Variants in MYOM2 observed in about 807,000 individuals in gnomAD.
MYOM2 encodes myomesin 2, also known as myomesin-2.
Under a neutral mutation model 187.6 loss-of-function variants are expected in MYOM2, and 254 were observed. That is an observed-to-expected ratio of 1.35 (90% CI 1.22 to 1.50). The LOEUF (loss-of-function observed/expected upper bound fraction) is 1.50, where lower values mean the gene tolerates loss of function less well. Ranked by LOEUF, MYOM2 falls within the 40% of genes most tolerant of loss-of-function variation. The pLI is 0.00. For missense variants in MYOM2, 2,796 were observed against 1,924.0 expected, an observed-to-expected ratio of 1.45 and a Z score of -8.48; for synonymous variants, 981 against 753.8, an observed-to-expected ratio of 1.30 and a Z score of -4.94.
In MYOM2 at chr8:2,144,833, G is replaced by C; in HGVS notation, c.4250G>C (p.Ser1417Thr). Residue 1417 changes from serine (S) to threonine (T), a missense_variant, in exon 37 of 37, where the codon AGC (serine) becomes ACC (threonine). By Grantham distance (58) the Ser-to-Thr change is moderately conservative (BLOSUM62 1). Coordinates refer to ENST00000262113, the MANE Select transcript of MYOM2 (RefSeq NM_003970.4). The stretch of plus-strand genomic sequence containing the variant: ...ACCTCCGAGGACTCGGGCAAGTACA[G>C]CATCAACATCAAGAATAAGTATGGC... ...GVTSEDSGKY[S>T]INIKNKYGGE... The C allele has an allele frequency of 6.2e-7, 1 of 1,614,192 alleles. No individual in the cohort carries two copies. The highest frequency in any genetic ancestry group is 8.5e-7 in the Non-Finnish European group (1 of 1,180,034).
intron 6 of MYOM2, among the ~76,000 whole-genome samples, chr8:2,065,936 TC>T (rs1819004854): frequency 1.3e-5 from 2 of 152,162 alleles, no homozygotes; most frequent in South Asian, 4.1e-4. Context: ...CGGGGGAGAT[TC>T]CAGTTGAGAG....
In MYOM2 at chr8:2,109,413, A is replaced by T; in HGVS notation, c.3062A>T (p.Glu1021Val). The change falls in exon 25 of 37, where the codon GAA becomes GTA. Residue 1021 changes from glutamate to valine, a missense_variant. Physicochemically the swap from Glu to Val is moderately radical, Grantham distance 121. Transcript: ENST00000262113. Reference sequence around the variant, plus strand: ...CCTGTAGCAATTCCTCTGAAATCGGAATTAGCTTATGAGATTTTTGATAAG... The same window carrying T: ...CCTGTAGCAATTCCTCTGAAATCGGTATTAGCTTATGAGATTTTTGATAAG... ...IKNPTIPLKS[E>V]LAYEIFDKGR... 6.2e-7 allele frequency: 1 copy of T among 1,609,414 alleles called. No homozygotes were observed.
chr8:2,045,411 G>A (rs532220299), intron 1 of MYOM2, among the ~76,000 whole-genome samples: 1 of 152,200 alleles, frequency 6.6e-6, no homozygotes, highest in Middle Eastern at 3.2e-3. Context: ...TTTGCTAAGT[G>A]CCGTTTAGCA....
chr8:2,112,644 A>C (rs1585927112), intron 25 of MYOM2, among the ~76,000 whole-genome samples: 1 of 152,282 alleles, frequency 6.6e-6, no homozygotes, highest in East Asian at 1.9e-4. Context: ...GAACACAGAG[A>C]GAGAAACTGA....
chr8:2,126,762 G>A (rs890534311), intron 31 of MYOM2, among the ~76,000 whole-genome samples: 39 of 143,624 alleles, frequency 2.7e-4, no homozygotes, highest in African/African-American at 9.7e-4. Context: ...GGGAGGATGG[G>A]GGAGTACTAG....
chr8:2,121,016 A>C (rs1563069675), intron 28 of MYOM2, among the ~76,000 whole-genome samples: 1 of 152,072 alleles, frequency 6.6e-6, no homozygotes, highest in Non-Finnish European at 1.5e-5. Flanking sequence ...CTGCAAGGGA[A>C]GTGGTCTTTA....
At position 2,106,291 on chromosome 8, in the gene MYOM2, G is replaced by C; in HGVS notation, c.2784G>C (p.Leu928=). The C allele has an allele frequency of 1.2e-6, 2 of 1,614,136 alleles. No homozygotes were observed. Among genetic ancestry groups the C allele is most frequent in the Non-Finnish European group, 1.7e-6 (2 of 1,180,014 alleles). ...AGVDEQGNIY[L]GFDCQEMTDA... ...TCGATGAACAAGGCAACATCTATCT[G>C]GGCTTCGACTGCCAGGAAATGACAG... The change falls in exon 22 of 37, where the codon CTG becomes CTC. Residue 928 remains leucine (L), a synonymous_variant. Transcript: ENST00000262113.
intron 15 of MYOM2, among the ~76,000 whole-genome samples, chr8:2,092,084 C>T (rs1796321952): frequency 6.6e-6 from 1 of 151,734 alleles, no homozygotes; most frequent in Admixed American, 6.6e-5. Context: ...TGATGGGAGA[C>T]AGGAGGATTC....
At chr8:2,138,105 T>C (rs1340260283) in intron 32 of MYOM2, among the ~76,000 whole-genome samples, 4 of 152,220 alleles carry the variant, frequency 2.6e-5, no homozygotes, top group Non-Finnish European at 5.9e-5. Flanking sequence ...CCTTTAGTAA[T>C]AGCGACCTGC....
chr8:2,101,404 G>C (rs1796705044), intron 20 of MYOM2, among the ~76,000 whole-genome samples: 1 of 152,160 alleles, frequency 6.6e-6, no homozygotes, highest in South Asian at 2.1e-4. Context: ...AAAAAATAAA[G>C]GTAAGTCTTT....
At chr8:2,133,747 C>A (rs191013519) in intron 32 of MYOM2, among the ~76,000 whole-genome samples, 1 of 151,166 alleles carries the variant, frequency 6.6e-6, no homozygotes, top group African/African-American at 2.5e-5. Flanking sequence ...AGGTGTGAGC[C>A]ACAGTGTCTG....
In MYOM2 at chr8:2,084,956, G is replaced by A. The variant is rs1819758816; in HGVS notation, c.1517-307G>A. The stretch of plus-strand genomic sequence containing the variant: ...ACACAGTCAGAGCCCCATTTCGGGT[G>A]CAATGCCTGGTTTCTTCTGGTAAAT... On this transcript the variant is annotated intron_variant, in intron 13 of 36. Transcript: ENST00000262113. 6 of 343,920 alleles carry A rather than the reference G, an allele frequency of 1.7e-5. No individual in the cohort carries two copies. The East Asian group carries it at 3.4e-4, about 20-fold the overall frequency. 21.3% of individuals were successfully genotyped at this position (343,920 alleles called of 1,614,324 possible). A position where few individuals can be genotyped will look rare whatever the true frequency, so the allele number is the denominator to read the frequency against.
At chr8:2,050,639 T>C in intron 1 of MYOM2, 116 bp from the exon 2 acceptor site, 1 of 573,570 alleles carries the variant, frequency 1.7e-6, no homozygotes. Context: ...TTTTTTCCCT[T>C]CCCAAGGGGG....
intron 31 of MYOM2, among the ~76,000 whole-genome samples, chr8:2,126,852 TGGA>T (rs1197807564): frequency 1.1e-5 from 1 of 91,450 alleles, no homozygotes; most frequent in Non-Finnish European, 2.1e-5. Context: ...TGATAGAGGC[TGGA>T]GGAGCACTGG....
chr8:2,079,422 CA>C, intron 12 of MYOM2, 137 bp from the exon 13 acceptor site: 2 of 808,928 alleles, frequency 2.5e-6, no homozygotes, highest in Admixed American at 3.5e-5. Flanking sequence ...CTTCCAGAAT[CA>C]GCTCTGATGC....
chr8:2,089,620 A>G (rs2116726562), intron 14 of MYOM2, among the ~76,000 whole-genome samples: 1 of 152,360 alleles, frequency 6.6e-6, no homozygotes, highest in East Asian at 1.9e-4. Flanking sequence ...ATAACTTTAA[A>G]TTGAAATGCG....
intron 14 of MYOM2, among the ~76,000 whole-genome samples, chr8:2,088,379 G>T (rs530737710): frequency 1.3e-5 from 2 of 152,228 alleles, no homozygotes; most frequent in African/African-American, 2.4e-5. Flanking sequence ...AGTTGATCTC[G>T]TCACCCAGGT....
chr8:2,052,014 C>T, intron 2 of MYOM2, 144 bp from the exon 3 acceptor site: 2 of 948,266 alleles, frequency 2.1e-6, no homozygotes, highest in Non-Finnish European at 3.2e-6. Flanking sequence ...GCATGCCTCT[C>T]ATATGCCTGT....
At position 2,109,723 on chromosome 8, in the gene MYOM2, C is replaced by T. The variant is rs781009122; in HGVS notation, c.3180+192C>T. Among the ~76,000 whole-genome samples the T allele has an allele frequency of 2.6e-5, 4 of 152,160 alleles. No individual in the cohort carries two copies. In the South Asian group the frequency reaches 8.3e-4, roughly 32 times the overall value. ...ATGTTCAAAGGTTTGGTCTGGGTTA[C>T]AGGAGACATCAGGAGTCTTTAAAAT... is the stretch of plus-strand genomic sequence containing the variant. On this transcript the variant is annotated intron_variant, in intron 25 of 36. Coordinates refer to ENST00000262113, the MANE Select transcript of MYOM2 (RefSeq NM_003970.4).
Sources: allele counts gnomAD v4.1 joint callset (sites outside exome capture counted in the v4.1 genomes callset), GRCh38; gene constraint gnomAD v4.1.1; transcripts MANE v1.5; gene names NCBI Gene and HGNC (gene_info 2026-07-23, HGNC 2026-07-21).